NXPE2: variants seen among roughly 807,000 people sequenced by gnomAD.
NXPE2 encodes the protein NXPE family member 2.
Under a neutral mutation model 34.4 loss-of-function variants are expected in NXPE2, and 34 were observed. The ratio of observed to expected loss-of-function variants is 0.99; its 90% confidence interval spans 0.75 to 1.31. NXPE2 has a LOEUF of 1.31. NXPE2 is among the 40% of genes most tolerant of loss of function. The pLI is 0.00. For missense variants in NXPE2, 649 were observed against 672.5 expected (o/e 0.97, Z 0.39); for synonymous variants, 235 against 231.3 (o/e 1.02, Z -0.15).
At chr11:114,678,307 C>A (rs903861490), upstream of NXPE2, 4 of 333,876 alleles carry the variant, frequency 1.2e-5, no homozygotes, top group Non-Finnish European at 2.2e-5. Flanking sequence ...AAAGGTGACT[C>A]AGTGCTGCAA....
the NXPE2 span, among the ~76,000 whole-genome samples, chr11:114,653,681 C>T: frequency 6.6e-6 from 1 of 152,000 alleles, no homozygotes; most frequent in Non-Finnish European, 1.5e-5. Context: ...GCGCCCACCA[C>T]TATGCCTGGC....
chr11:114,506,427 A>G, the NXPE2 span, among the ~76,000 whole-genome samples: 4 of 152,230 alleles, frequency 2.6e-5, no homozygotes, highest in African/African-American at 4.8e-5. Flanking sequence ...AACAGAATAT[A>G]TATTATTTTC....
At chr11:114,639,646 T>A in the NXPE2 span, among the ~76,000 whole-genome samples, 1 of 144,286 alleles carries the variant, frequency 6.9e-6, no homozygotes, top group Non-Finnish European at 1.5e-5. Flanking sequence ...ATATAATTTA[T>A]TTATATATAA....
At chr11:114,682,602 A>G (rs1197496646) in intron 2 of NXPE2, among the ~76,000 whole-genome samples, 2 of 152,214 alleles carry the variant, frequency 1.3e-5, no homozygotes, top group Admixed American at 6.5e-5. Flanking sequence ...ACATACAGGA[A>G]GATGCAAGGA....
At chr11:114,703,321 C>G (rs1290046221) in intron 3 of NXPE2, among the ~76,000 whole-genome samples, 1 of 152,062 alleles carries the variant, frequency 6.6e-6, no homozygotes, top group African/African-American at 2.4e-5. Context: ...TGGGATAAAC[C>G]AAAAGGGCAG....
At chr11:114,812,780 A>G in the NXPE2 span, among the ~76,000 whole-genome samples, 1 of 152,018 alleles carries the variant, frequency 6.6e-6, no homozygotes, top group Non-Finnish European at 1.5e-5. Flanking sequence ...CTGGGAATGG[A>G]GTGAGGGTGA....
At chr11:114,589,835 C>A in the NXPE2 span, among the ~76,000 whole-genome samples, 1 of 152,048 alleles carries the variant, frequency 6.6e-6, no homozygotes, top group Non-Finnish European at 1.5e-5. Flanking sequence ...CCCTACAACA[C>A]CCCAATATTA....
the NXPE2 span, among the ~76,000 whole-genome samples, chr11:114,505,887 G>A: frequency 6.6e-6 from 1 of 152,106 alleles, no homozygotes; most frequent in Non-Finnish European, 1.5e-5. Flanking sequence ...AACCTTGAAT[G>A]TAAATGGGCT....
chr11:114,807,259 A>G, the NXPE2 span, among the ~76,000 whole-genome samples: 6 of 151,614 alleles, frequency 4.0e-5, no homozygotes, highest in Admixed American at 6.6e-5. Context: ...AAAGACCATC[A>G]AGGCTAGGAA....
the NXPE2 span, among the ~76,000 whole-genome samples, chr11:114,507,414 C>G: frequency 6.6e-6 from 1 of 152,086 alleles, no homozygotes; most frequent in African/African-American, 2.4e-5. Flanking sequence ...GATACCAAAA[C>G]CTGGTAGAGA....
chr11:114,502,212 A>G, the NXPE2 span, among the ~76,000 whole-genome samples: 24,123 of 151,996 alleles, frequency 0.16, 2,195 homozygotes, highest in South Asian at 0.23. Flanking sequence ...CTAGGTGTAG[A>G]TTTACTTCTC....
At chr11:114,798,731 A>G in the NXPE2 span, among the ~76,000 whole-genome samples, 2 of 152,178 alleles carry the variant, frequency 1.3e-5, no homozygotes, top group South Asian at 2.1e-4. Flanking sequence ...TTAATAAACC[A>G]TATCTCTTTC....
chr11:114,691,661 G>C (rs1377143589), intron 2 of NXPE2, among the ~76,000 whole-genome samples: 1 of 152,210 alleles, frequency 6.6e-6, no homozygotes, highest in Admixed American at 6.5e-5. Flanking sequence ...GAAGAAAGGT[G>C]GGGGTGAGAG....
At chr11:114,594,847 A>C in the NXPE2 span, 2 of 779,562 alleles carry the variant, frequency 2.6e-6, no homozygotes, top group African/African-American at 1.8e-5. Flanking sequence ...AAACATTTGA[A>C]ATTTTTTTGG....
chr11:114,799,525 C>T, the NXPE2 span, among the ~76,000 whole-genome samples: 1 of 152,074 alleles, frequency 6.6e-6, no homozygotes, highest in African/African-American at 2.4e-5. Context: ...GGAGAAGGAG[C>T]CAAGGAGGAA....
the NXPE2 span, among the ~76,000 whole-genome samples, chr11:114,768,399 G>C: frequency 2.0e-5 from 3 of 152,062 alleles, no homozygotes; most frequent in Non-Finnish European, 4.4e-5. Flanking sequence ...TACAGCTCTT[G>C]TTTGGTTCCA....
At chr11:114,687,367 G>A (rs1051383243) in intron 2 of NXPE2, among the ~76,000 whole-genome samples, 4 of 151,908 alleles carry the variant, frequency 2.6e-5, no homozygotes, top group African/African-American at 7.2e-5. Flanking sequence ...TATTGAATAC[G>A]TTATCCTTTC....
the NXPE2 span, among the ~76,000 whole-genome samples, chr11:114,807,948 G>C: frequency 1.3e-5 from 2 of 152,126 alleles, no homozygotes; most frequent in Non-Finnish European, 2.9e-5. Flanking sequence ...TGGAAGTAAA[G>C]CACTCCTCAG....
At chr11:114,615,116 T>C in the NXPE2 span, among the ~76,000 whole-genome samples, 2 of 151,978 alleles carry the variant, frequency 1.3e-5, no homozygotes, top group Non-Finnish European at 2.9e-5. Context: ...GTAACCACTG[T>C]TAACAGGTGC....
Sources: gnomAD v4.1 joint callset for allele counts (sites outside exome capture counted in the v4.1 genomes callset) on GRCh38, gnomAD v4.1.1 for gene constraint, MANE v1.5 for transcripts, NCBI Gene and HGNC (gene_info 2026-07-23, HGNC 2026-07-21) for gene names.